WDR72: variants seen among roughly 807,000 people sequenced by gnomAD.
The protein encoded by WDR72 is WD repeat domain 72.
A neutral mutation model predicts 124.2 loss-of-function variants in WDR72; 120 were observed. That is an observed-to-expected ratio of 0.97 (90% CI 0.83 to 1.12). WDR72 has a LOEUF of 1.12. WDR72 is among the 50% of genes most tolerant of loss of function. The pLI is 0.00. For missense variants in WDR72, 1,387 were observed against 1,278.8 expected (o/e 1.08, Z -1.29); for synonymous variants, 452 against 441.7 (o/e 1.02, Z -0.29).
chr15:53,717,064 C>A lies in WDR72; in HGVS notation c.261-379G>T, dbSNP rs1222543383. 2.0e-5 allele frequency among the ~76,000 whole-genome samples: 3 copies of A among 152,028 alleles called. No homozygotes were observed. The East Asian group carries it at 5.8e-4, about 29-fold the overall frequency. On this transcript the variant is annotated intron_variant, in intron 3 of 19. Transcript: ENST00000360509. ...ATTCTGAAAATCACAATGCATCAAG[C>A]GCTGCATCTTCTGAGGCCAATGTAT...
chr15:53,704,646 C>T (rs1297870342), intron 11 of WDR72, among the ~76,000 whole-genome samples: 2 of 150,588 alleles, frequency 1.3e-5, no homozygotes, highest in African/African-American at 2.4e-5. Context: ...CTGCCTCAGC[C>T]TCCCAAGTAG....
At chr15:53,523,369 GA>G in intron 18 of WDR72, 47 bp from the exon 19 acceptor site, 4 of 1,574,006 alleles carry the variant, frequency 2.5e-6, no homozygotes, top group Non-Finnish European at 3.5e-6. Flanking sequence ...GAGAGAGGAT[GA>G]AAAAGTAGTA....
intron 18 of WDR72, among the ~76,000 whole-genome samples, chr15:53,543,335 G>C (rs1199099409): frequency 4.6e-5 from 7 of 151,892 alleles, no homozygotes; most frequent in Non-Finnish European, 1.0e-4. Context: ...TCAGGATTAA[G>C]AATCTCACTC....
At chr15:53,713,189 C>T (rs551439581) in intron 6 of WDR72, among the ~76,000 whole-genome samples, 101 of 95,418 alleles carry the variant, frequency 1.1e-3, no homozygotes, top group African/African-American at 3.2e-3. Flanking sequence ...GGATGTATTT[C>T]TTGAAAAAAA....
intron 13 of WDR72, among the ~76,000 whole-genome samples, chr15:53,668,947 C>CAGGAGGAGGAGGAGGAGAAGG (rs143700484): frequency 1.1e-4 from 9 of 83,786 alleles, no homozygotes; most frequent in African/African-American, 2.9e-4. Flanking sequence ...GGAGGAGGAG[C>CAGGAGGAGGAGGAGGAGAAGG]AGGAGGAGGA....
intron 18 of WDR72, among the ~76,000 whole-genome samples, chr15:53,596,645 T>C (rs2012787763): frequency 6.6e-6 from 1 of 152,182 alleles, no homozygotes; most frequent in South Asian, 2.1e-4. Flanking sequence ...ATTGCTTAAC[T>C]TCAAAACATT....
At chr15:53,636,400 T>G (rs1289835308) in intron 14 of WDR72, among the ~76,000 whole-genome samples, 3 of 152,168 alleles carry the variant, frequency 2.0e-5, no homozygotes, top group African/African-American at 7.2e-5. Flanking sequence ...AAATAAATCT[T>G]TAAAATGAAT....
chr15:53,544,720 T>C (rs888092754), intron 18 of WDR72, among the ~76,000 whole-genome samples: 3 of 146,912 alleles, frequency 2.0e-5, no homozygotes, highest in Admixed American at 2.0e-4. Context: ...GGAAGTCAAA[T>C]TGTCCCTGTT....
Position 53,609,497 on chromosome 15 carries a change from G to A in WDR72, c.2952+16C>T. 1.2e-6 allele frequency: 2 copies of A among 1,608,950 alleles called. No homozygotes were observed. Among genetic ancestry groups the A allele is most frequent in the Non-Finnish European group, 1.7e-6 (2 of 1,175,744 alleles). On this transcript the variant is annotated intron_variant, in intron 17 of 19. Transcript: ENST00000360509. ...GAACTCTTCTAATAACGTCATGAAT[G>A]TGAATTATATCATACCTGCACAGAC...
chr15:53,671,352 T>C (rs997333079), intron 13 of WDR72, among the ~76,000 whole-genome samples: 3 of 152,200 alleles, frequency 2.0e-5, no homozygotes, highest in Admixed American at 6.5e-5. Flanking sequence ...CCTTCTAAAA[T>C]AGATTCCCCT....
At chr15:53,713,035 T>C (rs540510390) in intron 6 of WDR72, 144 bp from the exon 7 acceptor site, 8 of 906,756 alleles carry the variant, frequency 8.8e-6, no homozygotes, top group African/African-American at 6.7e-5. Context: ...TGTTTTGAAC[T>C]AAGAAGTTAC....
rs200469963 is a variant in WDR72, at chr15:53,571,085, G to T, written c.3148+25994C>A. Reference sequence around the variant, plus strand: ...TGTTCTCACTTGTAAGTGGAAGCTAGACAGTAAGTACACAGGGACACAAAA... The same window carrying T: ...TGTTCTCACTTGTAAGTGGAAGCTATACAGTAAGTACACAGGGACACAAAA... On this transcript the variant is annotated intron_variant, in intron 18 of 19. Coordinates refer to ENST00000360509, the MANE Select transcript of WDR72 (RefSeq NM_182758.4). 3.3e-5 allele frequency among the ~76,000 whole-genome samples: 5 copies of T among 151,932 alleles called. No individual in the cohort carries two copies. In the East Asian group the frequency reaches 9.7e-4, roughly 29 times the overall value.
chr15:53,758,790 G>GT, intron 1 of WDR72, among the ~76,000 whole-genome samples: 1 of 134,850 alleles, frequency 7.4e-6, no homozygotes, highest in South Asian at 2.8e-4. Context: ...GGGCGGTGCG[G>GT]GCGGGGGAAG....
chr15:53,725,503 C>T (rs1157802851), intron 2 of WDR72, among the ~76,000 whole-genome samples: 1 of 152,162 alleles, frequency 6.6e-6, no homozygotes, highest in Non-Finnish European at 1.5e-5. Flanking sequence ...AAAATCTGTA[C>T]ACAAATGTTT....
chr15:53,580,180 C>A (rs778522234), intron 18 of WDR72, among the ~76,000 whole-genome samples: 3 of 151,968 alleles, frequency 2.0e-5, no homozygotes, highest in Non-Finnish European at 4.4e-5. Flanking sequence ...TTTAGGACTC[C>A]CATATTCTTC....
chr15:53,590,955 G>A (rs180948487), intron 18 of WDR72, among the ~76,000 whole-genome samples: 19 of 151,176 alleles, frequency 1.3e-4, no homozygotes, highest in Non-Finnish European at 1.8e-4. Context: ...AATTAAAGAT[G>A]CATGGGTTTC....
At chr15:53,580,384 GT>G (rs1201071940) in intron 18 of WDR72, among the ~76,000 whole-genome samples, 1 of 152,040 alleles carries the variant, frequency 6.6e-6, no homozygotes, top group African/African-American at 2.4e-5. Context: ...TTTACAAAAA[GT>G]TTTGAAGTAG....
chr15:53,672,193 G>A (rs778859891), intron 13 of WDR72, among the ~76,000 whole-genome samples: 11 of 151,670 alleles, frequency 7.3e-5, no homozygotes, highest in East Asian at 5.8e-4. Context: ...TTTCTATTAC[G>A]GTAAAGGCCA....
intron 17 of WDR72, among the ~76,000 whole-genome samples, chr15:53,598,111 G>C (rs1013265737): frequency 3.9e-5 from 6 of 152,126 alleles, no homozygotes; most frequent in Non-Finnish European, 7.3e-5. Flanking sequence ...TACAGCCCAA[G>C]GAAGGCCAGG....
Sources: allele counts gnomAD v4.1 joint callset (sites outside exome capture counted in the v4.1 genomes callset), GRCh38; gene constraint gnomAD v4.1.1; transcripts MANE v1.5; gene names NCBI Gene and HGNC (gene_info 2026-07-23, HGNC 2026-07-21).